NRG3: variants seen among roughly 807,000 people sequenced by gnomAD.
NRG3 encodes pro-neuregulin-3, membrane-bound isoform.
A neutral mutation model predicts 66.9 loss-of-function variants in NRG3; 31 were observed. The observed-to-expected ratio is 0.46, with a 90% CI of 0.35 to 0.63. The LOEUF (loss-of-function observed/expected upper bound fraction) is 0.63. Among genes scored for constraint, NRG3 ranks in the 20% least tolerant of loss-of-function variants. The pLI, the probability that NRG3 is intolerant of heterozygous loss-of-function variation, is 0.00. For missense variants in NRG3, 910 were observed against 878.9 expected (o/e 1.04, Z -0.45); for synonymous variants, 393 against 359.4 (o/e 1.09, Z -1.06).
chr10:82,193,955 T>G (rs1323290397), intron 1 of NRG3, among the ~76,000 whole-genome samples: 1 of 152,104 alleles, frequency 6.6e-6, no homozygotes, highest in Non-Finnish European at 1.5e-5. Flanking sequence ...GTTGTGAGTT[T>G]TTGCAACATT....
intron 2 of NRG3, among the ~76,000 whole-genome samples, chr10:82,679,924 G>A (rs1289695227): frequency 6.6e-6 from 1 of 151,834 alleles, no homozygotes; most frequent in Non-Finnish European, 1.5e-5. Context: ...ATTGCACTAT[G>A]TATTTTATTT....
intron 1 of NRG3, among the ~76,000 whole-genome samples, chr10:82,228,761 C>T (rs1384143974): frequency 6.6e-6 from 1 of 152,186 alleles, no homozygotes; most frequent in Non-Finnish European, 1.5e-5. Flanking sequence ...GGAAGAAAGG[C>T]TCCAGAGCCC....
intron 4 of NRG3, among the ~76,000 whole-genome samples, chr10:82,919,933 C>G (rs1425150207): frequency 6.6e-6 from 1 of 150,592 alleles, no homozygotes; most frequent in Non-Finnish European, 1.5e-5. Context: ...AAAAAAAAAG[C>G]ACAGATAGGA....
intron 2 of NRG3, among the ~76,000 whole-genome samples, chr10:82,678,762 TG>T (rs780721483): frequency 2.6e-5 from 4 of 152,150 alleles, no homozygotes; most frequent in Non-Finnish European, 5.9e-5. Flanking sequence ...AGTTTTTTTT[TG>T]CCTAAGAGAT....
At chr10:82,823,074 A>T (rs1318054493) in intron 3 of NRG3, among the ~76,000 whole-genome samples, 1 of 152,028 alleles carries the variant, frequency 6.6e-6, no homozygotes, top group African/African-American at 2.4e-5. Context: ...CTGGGTATTC[A>T]TTTGTGTGCT....
intron 2 of NRG3, among the ~76,000 whole-genome samples, chr10:82,687,050 G>A (rs1348192454): frequency 6.6e-6 from 1 of 152,152 alleles, no homozygotes; most frequent in East Asian, 1.9e-4. Context: ...CTGCTGACCA[G>A]CTTTCTATCT....
chr10:81,881,233 A>G (rs1554846777), intron 1 of NRG3, among the ~76,000 whole-genome samples: 3 of 150,696 alleles, frequency 2.0e-5, no homozygotes, highest in Non-Finnish European at 4.4e-5. Flanking sequence ...CCTAGAGTAC[A>G]AGGAGTCAAT....
At chr10:82,983,165 C>G (rs1436113335) in intron 8 of NRG3, among the ~76,000 whole-genome samples, 1 of 152,146 alleles carries the variant, frequency 6.6e-6, no homozygotes, top group Non-Finnish European at 1.5e-5. Context: ...GTGGGAAATG[C>G]TATCCTGGCT....
At chr10:82,542,876 C>T (rs1217911836) in intron 2 of NRG3, among the ~76,000 whole-genome samples, 2 of 150,362 alleles carry the variant, frequency 1.3e-5, no homozygotes, top group Non-Finnish European at 2.9e-5. Context: ...AATTGTGATG[C>T]ATGATCTTCA....
chr10:82,227,690 T>C lies in NRG3; in HGVS notation c.824-131049T>C, dbSNP rs77836821. Reference sequence around the variant, plus strand: ...GTGAAAGTGGAGAAGTTTCAATAAATGATTTTTAAATAAAATGCTTTTCTT... The same window carrying C: ...GTGAAAGTGGAGAAGTTTCAATAAACGATTTTTAAATAAAATGCTTTTCTT... On this transcript the variant is annotated intron_variant, in intron 1 of 8. Transcript: ENST00000372141. Among the ~76,000 whole-genome samples the C allele has an allele frequency of 8.4e-3, 1,280 of 152,288 alleles. 21 individuals carry two copies. Among genetic ancestry groups the C allele is most frequent in the African/African-American group, 0.029 (1,211 of 41,560 alleles).
intron 2 of NRG3, among the ~76,000 whole-genome samples, chr10:82,433,924 C>A (rs1355897178): frequency 6.6e-6 from 1 of 152,162 alleles, no homozygotes; most frequent in Non-Finnish European, 1.5e-5. Flanking sequence ...ATTGTCTTGG[C>A]TATACAGGGT....
intron 2 of NRG3, among the ~76,000 whole-genome samples, chr10:82,471,014 A>C (rs2132052121): frequency 6.6e-6 from 1 of 152,160 alleles, no homozygotes; most frequent in South Asian, 2.1e-4. Context: ...TCTGTGCAAG[A>C]GCTGACAGAG....
At chr10:82,846,420 T>G (rs898231223) in intron 3 of NRG3, among the ~76,000 whole-genome samples, 1 of 152,174 alleles carries the variant, frequency 6.6e-6, no homozygotes, top group Non-Finnish European at 1.5e-5. Flanking sequence ...CTCCACAGAT[T>G]TATTAAAATA....
rs904762414 is a variant in NRG3, at chr10:82,542,147, C to T, written c.953+183279C>T. On this transcript the variant is annotated intron_variant, in intron 2 of 8. Coordinates refer to ENST00000372141, the MANE Select transcript of NRG3 (RefSeq NM_001010848.4). ...GTCCATGTGTTCTCATTTTTCAACT[C>T]CCACTTATGAATGAGAACATGTGGT... is the stretch of plus-strand genomic sequence containing the variant. 2.0e-5 allele frequency among the ~76,000 whole-genome samples: 3 copies of T among 152,240 alleles called. No homozygotes were observed. The East Asian group carries it at 5.8e-4, about 29-fold the overall frequency.
At chr10:82,310,192 A>G (rs1030948379) in intron 1 of NRG3, among the ~76,000 whole-genome samples, 1 of 152,146 alleles carries the variant, frequency 6.6e-6, no homozygotes, top group Non-Finnish European at 1.5e-5. Context: ...CTGCAATATC[A>G]TTTATCTCCA....
At chr10:81,884,469 C>T (rs1842444973) in intron 1 of NRG3, among the ~76,000 whole-genome samples, 1 of 152,118 alleles carries the variant, frequency 6.6e-6, no homozygotes, top group African/African-American at 2.4e-5. Context: ...GCAATGTGCT[C>T]TCCATACACA....
At chr10:82,907,851 T>G (rs1844905448) in intron 4 of NRG3, among the ~76,000 whole-genome samples, 2 of 152,168 alleles carry the variant, frequency 1.3e-5, no homozygotes, top group South Asian at 4.1e-4. Flanking sequence ...AGCAAATGTG[T>G]GAAAATTATG....
chr10:82,278,890 C>A (rs1026888407), intron 1 of NRG3, among the ~76,000 whole-genome samples: 35 of 152,278 alleles, frequency 2.3e-4, no homozygotes, highest in African/African-American at 7.5e-4. Context: ...TAGGTCTGAA[C>A]TGGAAGTTGC....
intron 1 of NRG3, among the ~76,000 whole-genome samples, chr10:82,081,639 G>A (rs190137640): frequency 1.2e-3 from 190 of 152,288 alleles, no homozygotes; most frequent in African/African-American, 4.2e-3. Flanking sequence ...TTGTTTCCAC[G>A]TATGATATTC....
Sources: gnomAD v4.1 joint callset for allele counts (sites outside exome capture counted in the v4.1 genomes callset) on GRCh38, gnomAD v4.1.1 for gene constraint, MANE v1.5 for transcripts, NCBI Gene and HGNC (gene_info 2026-07-23, HGNC 2026-07-21) for gene names.